Variants in FBXL17 observed in about 807,000 individuals in gnomAD.
The protein encoded by FBXL17 is F-box and leucine rich repeat protein 17, also known as F-box/LRR-repeat protein 17.
In FBXL17, 22 loss-of-function variants were observed where a neutral mutation model predicts 66.2. That is an observed-to-expected ratio of 0.33 (90% CI 0.24 to 0.47). The LOEUF is 0.47. FBXL17 is among the 20% of genes least tolerant of loss of function. FBXL17 has a pLI of 1.00. For missense variants in FBXL17, 878 were observed against 948.2 expected (o/e 0.93, Z 0.97); for synonymous variants, 474 against 400.5 (o/e 1.18, Z -2.19).
intron 7 of FBXL17, among the ~76,000 whole-genome samples, chr5:107,908,569 A>G (rs1749838889): frequency 6.6e-6 from 1 of 152,354 alleles, no homozygotes; most frequent in East Asian, 1.9e-4. Flanking sequence ...TTAATTCTCC[A>G]TAAAGAGCTA....
chr5:108,145,038 T>C (rs558068538), intron 6 of FBXL17, among the ~76,000 whole-genome samples: 12 of 152,146 alleles, frequency 7.9e-5, no homozygotes, highest in African/African-American at 2.9e-4. Flanking sequence ...CAAGAAAAAA[T>C]GGCATTAAGT....
At chr5:107,899,756 C>A (rs1749508989) in intron 7 of FBXL17, among the ~76,000 whole-genome samples, 1 of 152,100 alleles carries the variant, frequency 6.6e-6, no homozygotes, top group African/African-American at 2.4e-5. Context: ...TGTACTTTAT[C>A]AACTGGAGAA....
intron 4 of FBXL17, among the ~76,000 whole-genome samples, chr5:108,236,444 T>C (rs1727032858): frequency 6.6e-6 from 1 of 151,020 alleles, no homozygotes; most frequent in African/African-American, 2.4e-5. Flanking sequence ...GCCTGGGAAG[T>C]GGAGGTTGCA....
At chr5:108,087,158 T>C (rs1168987650) in intron 6 of FBXL17, among the ~76,000 whole-genome samples, 2 of 152,248 alleles carry the variant, frequency 1.3e-5, no homozygotes, top group African/African-American at 4.8e-5. Context: ...CCTCTGTTTA[T>C]ATGAGCCTAT....
At chr5:108,075,508 C>T (rs1748508211) in intron 6 of FBXL17, among the ~76,000 whole-genome samples, 1 of 152,156 alleles carries the variant, frequency 6.6e-6, no homozygotes, top group Non-Finnish European at 1.5e-5. Flanking sequence ...TGGAGTTTCG[C>T]TCTTGTTGCC....
At chr5:108,033,956 A>C (rs1746741439) in intron 6 of FBXL17, among the ~76,000 whole-genome samples, 1 of 152,218 alleles carries the variant, frequency 6.6e-6, no homozygotes, top group African/African-American at 2.4e-5. Context: ...CTGAATTTTG[A>C]AAAAGTGTAC....
At chr5:108,051,205 A>C (rs949468921) in intron 6 of FBXL17, among the ~76,000 whole-genome samples, 1 of 152,232 alleles carries the variant, frequency 6.6e-6, no homozygotes, top group African/African-American at 2.4e-5. Flanking sequence ...CAAACAATTG[A>C]AAAGGAGGGA....
At chr5:108,022,147 A>G (rs1448506378) in intron 6 of FBXL17, among the ~76,000 whole-genome samples, 1 of 151,900 alleles carries the variant, frequency 6.6e-6, no homozygotes, top group Admixed American at 6.6e-5. Flanking sequence ...ATGGAATGAT[A>G]AACATTTCAA....
chr5:108,225,102 T>A (rs1261854122), intron 4 of FBXL17, among the ~76,000 whole-genome samples: 1 of 152,132 alleles, frequency 6.6e-6, no homozygotes, highest in East Asian at 1.9e-4. Context: ...TATTTCCCAC[T>A]ACCTCCAAGC....
At chr5:108,258,069 G>A (rs779816409) in intron 4 of FBXL17, among the ~76,000 whole-genome samples, 15 of 152,164 alleles carry the variant, frequency 9.9e-5, no homozygotes, top group Admixed American at 2.6e-4. Flanking sequence ...GAATTGTGCC[G>A]CTCCAAAATT....
intron 4 of FBXL17, among the ~76,000 whole-genome samples, chr5:108,340,517 T>C (rs72793334): frequency 0.033 from 4,996 of 152,280 alleles, 123 homozygotes; most frequent in Non-Finnish European, 0.048. Context: ...AGAATTACAT[T>C]CTAGTTGATC....
At chr5:108,009,276 T>TAC (rs1304437287) in intron 7 of FBXL17, among the ~76,000 whole-genome samples, 5 of 20,726 alleles carry the variant, frequency 2.4e-4, no homozygotes, top group African/African-American at 8.8e-4. Context: ...TATATATATA[T>TAC]ATATATATAT....
At chr5:108,003,236 G>A (rs1043802385) in intron 7 of FBXL17, among the ~76,000 whole-genome samples, 16 of 152,236 alleles carry the variant, frequency 1.1e-4, no homozygotes, top group Admixed American at 1.0e-3. Flanking sequence ...ACATGAATAT[G>A]GAGTGTGAGT....
intron 4 of FBXL17, among the ~76,000 whole-genome samples, chr5:108,230,800 T>C (rs954632921): frequency 2.5e-5 from 3 of 122,292 alleles, no homozygotes; most frequent in African/African-American, 6.3e-5. Flanking sequence ...GGGGGAAGGG[T>C]TGGGGGGCGC....
At chr5:108,319,175 T>C (rs979962252) in intron 4 of FBXL17, among the ~76,000 whole-genome samples, 1 of 151,920 alleles carries the variant, frequency 6.6e-6, no homozygotes, top group East Asian at 1.9e-4. Context: ...GTTAAAATTA[T>C]AGAAGAAATC....
chr5:108,239,464 A>T (rs1755755935), intron 4 of FBXL17, among the ~76,000 whole-genome samples: 1 of 152,202 alleles, frequency 6.6e-6, no homozygotes, highest in African/African-American at 2.4e-5. Context: ...CATAGCGGAA[A>T]GCAACACCAG....
chr5:108,213,158 T>C lies in FBXL17; in HGVS notation c.1614+10963A>G, dbSNP rs377728339. Among the ~76,000 whole-genome samples the C allele has an allele frequency of 6.6e-5, 10 of 152,222 alleles. No homozygotes were observed. In the East Asian group the frequency reaches 7.8e-4, roughly 12 times the overall value. ...GCAGGTGACCCTCCCCCTACCGAGCTTGAGCCACAGCAGGCTGCTGCTGTG... is the reference window on the plus strand; with the variant it reads ...GCAGGTGACCCTCCCCCTACCGAGCCTGAGCCACAGCAGGCTGCTGCTGTG... On this transcript the variant is annotated intron_variant, in intron 5 of 8. Transcript: ENST00000542267.
chr5:108,248,078 T>C (rs990485783), intron 4 of FBXL17, among the ~76,000 whole-genome samples: 7 of 152,186 alleles, frequency 4.6e-5, no homozygotes, highest in African/African-American at 1.7e-4. Context: ...AATTCATTGC[T>C]CTGTTGCTCC....
rs560036673 is a variant in FBXL17 at position 107,985,729 on chromosome 5, T to C, written c.1822+35196A>G. On this transcript the variant is annotated intron_variant, in intron 7 of 8. Transcript: ENST00000542267. ...ACTCCCAAAGGGAACTCTTAATGTTTTCTATTTGTCAAAAAACAATAACAC... is the reference window on the plus strand; with the variant it reads ...ACTCCCAAAGGGAACTCTTAATGTTCTCTATTTGTCAAAAAACAATAACAC... Among the ~76,000 whole-genome samples, 4 of 152,342 alleles carry C rather than the reference T, an allele frequency of 2.6e-5. No homozygotes were observed. The South Asian group carries it at 6.2e-4, about 24-fold the overall frequency.
Sources: gnomAD v4.1 joint callset for allele counts (sites outside exome capture counted in the v4.1 genomes callset) on GRCh38, gnomAD v4.1.1 for gene constraint, MANE v1.5 for transcripts, NCBI Gene and HGNC (gene_info 2026-07-23, HGNC 2026-07-21) for gene names.